Variants in RFX7 observed in about 807,000 individuals in gnomAD.
RFX7 encodes the protein DNA-binding protein RFX7.
In RFX7, 26 loss-of-function variants were observed where a neutral mutation model predicts 111.8. The ratio of observed to expected loss-of-function variants is 0.23; its 90% CI spans 0.17 to 0.32. The LOEUF (loss-of-function observed/expected upper bound fraction) is 0.32, where lower values mean the gene tolerates loss of function less well. RFX7 is among the 10% of genes least tolerant of loss of function. RFX7 has a pLI of 1.00. For synonymous variants in RFX7, 624 were observed against 624.4 expected (o/e 1.00, Z 0.01); for missense variants, 1,573 against 1,772.9 (o/e 0.89, Z 2.02).
intron 2 of RFX7, among the ~76,000 whole-genome samples, chr15:56,202,571 A>C (rs1447903609): frequency 1.3e-5 from 2 of 152,222 alleles, no homozygotes; most frequent in East Asian, 3.8e-4. Context: ...TGGGAGGCTA[A>C]GGCAGGAGGA....
intron 2 of RFX7, among the ~76,000 whole-genome samples, chr15:56,234,594 T>C (rs2043602580): frequency 6.6e-6 from 1 of 152,226 alleles, no homozygotes; most frequent in South Asian, 2.1e-4. Context: ...CTAAAGCATC[T>C]TGTTGGAATA....
intron 2 of RFX7, among the ~76,000 whole-genome samples, chr15:56,187,663 T>G (rs1478758494): frequency 6.6e-6 from 1 of 152,196 alleles, no homozygotes; most frequent in Admixed American, 6.5e-5. Context: ...AATTTCTATA[T>G]GAACTACGCC....
At chr15:56,101,893 ATGAC>A (rs2041758128) in intron 7 of RFX7, among the ~76,000 whole-genome samples, 1 of 152,202 alleles carries the variant, frequency 6.6e-6, no homozygotes, top group Non-Finnish European at 1.5e-5. Context: ...ATATTACATG[ATGAC>A]TGACTTTTTC....
chr15:56,138,613 A>T (rs572361584), intron 5 of RFX7, among the ~76,000 whole-genome samples: 46 of 152,158 alleles, frequency 3.0e-4, no homozygotes, highest in African/African-American at 9.9e-4. Flanking sequence ...TAGCCCATTT[A>T]CATTTAAAGT....
intron 2 of RFX7, among the ~76,000 whole-genome samples, chr15:56,180,531 G>T (rs1191207246): frequency 2.0e-5 from 3 of 152,086 alleles, no homozygotes; most frequent in Non-Finnish European, 2.9e-5. Context: ...TCTGAGATGT[G>T]AGAGTAATCT....
At chr15:56,149,583 C>T (rs1176921389) in intron 3 of RFX7, among the ~76,000 whole-genome samples, 2 of 152,148 alleles carry the variant, frequency 1.3e-5, no homozygotes, top group African/African-American at 4.8e-5. Context: ...CGTCACTTCA[C>T]CTGGGAAGCA....
intron 2 of RFX7, among the ~76,000 whole-genome samples, chr15:56,212,800 C>G (rs1480945141): frequency 6.6e-6 from 1 of 151,812 alleles, no homozygotes. Context: ...CAAAACTCAA[C>G]AGCAAAAAAA....
intron 2 of RFX7, among the ~76,000 whole-genome samples, chr15:56,208,799 A>C (rs1460082950): frequency 1.3e-5 from 2 of 152,162 alleles, no homozygotes; most frequent in Non-Finnish European, 2.9e-5. Flanking sequence ...CTGAGGTTAG[A>C]ATCTCAGCTT....
chr15:56,152,950 G>C (rs1280440321), intron 3 of RFX7, among the ~76,000 whole-genome samples: 1 of 152,078 alleles, frequency 6.6e-6, no homozygotes, highest in Non-Finnish European at 1.5e-5. Context: ...AAATAAACTG[G>C]AAAATCTAGA....
chr15:56,218,004 GA>G (rs541647545), intron 2 of RFX7, among the ~76,000 whole-genome samples: 16 of 151,292 alleles, frequency 1.1e-4, no homozygotes, highest in African/African-American at 1.9e-4. Flanking sequence ...CACTCAGGGG[GA>G]AAAAAAAGAG....
At chr15:56,168,981 T>C (rs539361934) in intron 3 of RFX7, among the ~76,000 whole-genome samples, 45 of 152,362 alleles carry the variant, frequency 3.0e-4, no homozygotes, top group Non-Finnish European at 5.3e-4. Flanking sequence ...ACACAAATTC[T>C]TACTACTTTA....
intron 2 of RFX7, among the ~76,000 whole-genome samples, chr15:56,199,508 C>A (rs2141178311): frequency 6.6e-6 from 1 of 152,090 alleles, no homozygotes; most frequent in Admixed American, 6.5e-5. Context: ...ATATGCCTTC[C>A]CTGTTTTCTT....
rs2043744561 is a variant in RFX7, at chr15:56,243,539, G to A, written c.-97C>T. 1.0e-6 allele frequency: 1 copy of A among 983,374 alleles called. No homozygotes were observed. The highest frequency in any genetic ancestry group is 1.2e-4 in the East Asian group (1 of 8,654). 60.9% of individuals were successfully genotyped at this position (983,374 alleles called of 1,614,324 possible). A position where few individuals can be genotyped will look rare whatever the true frequency, so the allele number is the denominator to read the frequency against. On this transcript the variant is annotated 5_prime_UTR_variant, in exon 1 of 10. Coordinates refer to ENST00000559447, the MANE Select transcript of RFX7 (RefSeq NM_022841.7). ...ACGGCCGGGGCGCTTCACCGCGGGA[G>A]AGGCATGGCGGCGCCCCTCAGCCCC...
At chr15:56,125,341 T>C (rs1385796160) in intron 5 of RFX7, among the ~76,000 whole-genome samples, 2 of 152,206 alleles carry the variant, frequency 1.3e-5, no homozygotes, top group East Asian at 1.9e-4. Flanking sequence ...CTGGGTCTTC[T>C]GTGCTTCCAT....
At position 56,111,913 on chromosome 15, in the gene RFX7, G is replaced by A. The variant is rs543526746; in HGVS notation, c.402-8243C>T. 5.9e-5 allele frequency among the ~76,000 whole-genome samples: 9 copies of A among 151,972 alleles called. No homozygotes were observed. In the East Asian group the frequency reaches 1.2e-3, roughly 20 times the overall value. ...GGGTGGATCACGAGGTCAGGAGGTC[G>A]AGACCAGCCTGGCCAATATTGTGAA... On this transcript the variant is annotated intron_variant, in intron 5 of 9. Transcript: ENST00000559447.
intron 2 of RFX7, among the ~76,000 whole-genome samples, chr15:56,193,862 A>T (rs2043122295): frequency 6.6e-6 from 1 of 152,176 alleles, no homozygotes. Flanking sequence ...TACACAAAAG[A>T]AATAATAAAT....
In RFX7 at chr15:56,222,498, C is replaced by T. The variant is rs532100367; in HGVS notation, c.161+20627G>A. 6.6e-5 allele frequency among the ~76,000 whole-genome samples: 10 copies of T among 152,278 alleles called. No individual in the cohort carries two copies. The South Asian group carries it at 2.1e-3, about 32-fold the overall frequency. ...GGGACTCCAATTACACATATATTGG[C>T]CCACGAGTCACAGAGACTTGTTCAT... is the stretch of plus-strand genomic sequence containing the variant. On this transcript the variant is annotated intron_variant, in intron 2 of 9. Transcript: ENST00000559447.
At chr15:56,184,193 A>ATTTTTTTTTT (rs35880948) in intron 2 of RFX7, among the ~76,000 whole-genome samples, 5 of 80,734 alleles carry the variant, frequency 6.2e-5, no homozygotes, top group Admixed American at 1.6e-4. Flanking sequence ...CTAATTTTGT[A>ATTTTTTTTTT]TTTTTTTTTT....
At chr15:56,217,411 G>A (rs1448823681) in intron 2 of RFX7, among the ~76,000 whole-genome samples, 2 of 149,634 alleles carry the variant, frequency 1.3e-5, no homozygotes, top group African/African-American at 4.9e-5. Context: ...GTAAGGGGCT[G>A]TTACAACTTT....
Sources: gnomAD v4.1 joint callset for allele counts (sites outside exome capture counted in the v4.1 genomes callset) on GRCh38, gnomAD v4.1.1 for gene constraint, MANE v1.5 for transcripts, NCBI Gene and HGNC (gene_info 2026-07-23, HGNC 2026-07-21) for gene names.